GCNT1: variants seen among roughly 807,000 people sequenced by gnomAD.
The protein encoded by GCNT1 is glucosaminyl (N-acetyl) transferase 1.
A neutral mutation model predicts 26.2 loss-of-function variants in GCNT1; 16 were observed. That is an observed-to-expected ratio of 0.61 (90% CI 0.41 to 0.93). The LOEUF (loss-of-function observed/expected upper bound fraction) is 0.93, where lower values mean the gene tolerates loss of function less well. Ranked by LOEUF, GCNT1 falls within the 40% of genes least tolerant of loss-of-function variation. The pLI, the probability that GCNT1 is intolerant of heterozygous loss-of-function variation, is 0.00. For missense variants in GCNT1, 477 were observed against 526.7 expected (o/e 0.91, Z 0.92); for synonymous variants, 183 against 190.8 (o/e 0.96, Z 0.34).
chr9:76,465,627 A>C (rs968514006), intron 2 of GCNT1, among the ~76,000 whole-genome samples: 1 of 152,246 alleles, frequency 6.6e-6, no homozygotes, highest in Non-Finnish European at 1.5e-5. Flanking sequence ...TTACGCAGGC[A>C]CAGCCTGTGC....
At chr9:76,500,140 A>ATT (rs5898481) in intron 2 of GCNT1, among the ~76,000 whole-genome samples, 10 of 149,824 alleles carry the variant, frequency 6.7e-5, no homozygotes, top group Middle Eastern at 3.4e-3. Context: ...ATGCCTTGTA[A>ATT]TTTTTTTTTT....
chr9:76,436,665 A>G (rs968194675), intron 1 of GCNT1, among the ~76,000 whole-genome samples: 3 of 152,060 alleles, frequency 2.0e-5, no homozygotes, highest in Non-Finnish European at 4.4e-5. Context: ...CCATTTACTC[A>G]AATAACATTT....
At chr9:76,451,940 C>CT (rs1823670254) in intron 1 of GCNT1, among the ~76,000 whole-genome samples, 1 of 122,678 alleles carries the variant, frequency 8.2e-6, no homozygotes, top group Non-Finnish European at 1.7e-5. Flanking sequence ...CTTTTCTTTT[C>CT]TTTCTTTCTT....
rs560590934 is a variant in GCNT1, at chr9:76,506,469, G to A, written c.*2801G>A. On this transcript the variant is annotated 3_prime_UTR_variant, in exon 4 of 4. Transcript: ENST00000376730. The stretch of plus-strand genomic sequence containing the variant: ...GAGAATCTCTTGAGCCCAGGAGGCG[G>A]AGGTTGCAGTGAGCTGAGATGCCAC... 1 of 166,906 alleles carries A rather than the reference G, an allele frequency of 6.0e-6. No homozygotes were observed. Among genetic ancestry groups the A allele is most frequent in the South Asian group, 2.1e-4 (1 of 4,814 alleles). The allele number at this position is 166,906 out of a possible 1,614,324, so 10.3% of individuals were successfully genotyped here.
chr9:76,431,705 C>T (rs921588588), intron 1 of GCNT1, among the ~76,000 whole-genome samples: 17 of 152,178 alleles, frequency 1.1e-4, no homozygotes, highest in African/African-American at 4.1e-4. Flanking sequence ...GATATCAAAG[C>T]GCCAACCCTC....
intron 2 of GCNT1, among the ~76,000 whole-genome samples, chr9:76,474,057 G>A (rs1387177468): frequency 2.0e-5 from 3 of 152,112 alleles, no homozygotes; most frequent in East Asian, 1.9e-4. Context: ...CTTTGGTTAC[G>A]CCACTGCACT....
intron 1 of GCNT1, among the ~76,000 whole-genome samples, chr9:76,433,698 G>T (rs1026369132): frequency 1.3e-5 from 2 of 152,340 alleles, no homozygotes; most frequent in South Asian, 2.1e-4. Flanking sequence ...CTTGCAGGGA[G>T]CCCTGGGCTG....
intron 2 of GCNT1, among the ~76,000 whole-genome samples, chr9:76,482,888 G>C (rs1400477651): frequency 2.0e-5 from 3 of 147,110 alleles, no homozygotes; most frequent in Non-Finnish European, 4.5e-5. Flanking sequence ...CTGGACTCAA[G>C]TGATCCTCCT....
chr9:76,502,532 G>A lies in GCNT1; in HGVS notation c.151G>A (p.Glu51Lys), dbSNP rs1825106974. Residue 51 changes from glutamate to lysine, a missense_variant, in exon 4 of 4, where the codon GAG (glutamate) becomes AAG (lysine). Transcript: ENST00000376730. ...VSVRHLELAG[E>K]NPSSDINCTK... ...TGTCAGACACTTGGAGCTTGCTGGGGAGAATCCTAGTAGTGATATTAATTG... is the reference window on the plus strand; with the variant it reads ...TGTCAGACACTTGGAGCTTGCTGGGAAGAATCCTAGTAGTGATATTAATTG... 6.2e-7 allele frequency: 1 copy of A among 1,613,962 alleles called. No homozygotes were observed. The highest frequency in any genetic ancestry group is 8.5e-7 in the Non-Finnish European group (1 of 1,179,966).
At chr9:76,437,350 C>T (rs796280674), upstream of GCNT1, among the ~76,000 whole-genome samples, 3 of 152,202 alleles carry the variant, frequency 2.0e-5, no homozygotes, top group African/African-American at 4.8e-5. Flanking sequence ...GTAAAGAAGC[C>T]GGCCAAACCC....
intron 2 of GCNT1, among the ~76,000 whole-genome samples, chr9:76,472,120 T>TA (rs61503611): frequency 0.023 from 3,498 of 151,720 alleles, 134 homozygotes; most frequent in African/African-American, 0.08. Context: ...TGCTAAAAAT[T>TA]AAAAAAAATA....
At chr9:76,436,598 C>CAAAAAAAA (rs1178497535) in intron 1 of GCNT1, among the ~76,000 whole-genome samples, 1 of 41,128 alleles carries the variant, frequency 2.4e-5, no homozygotes, top group Non-Finnish European at 4.7e-5. Flanking sequence ...GATTCCATCT[C>CAAAAAAAA]AAAAAAAAAA....
At chr9:76,417,150 T>C (rs1823140156), upstream of GCNT1, among the ~76,000 whole-genome samples, 1 of 152,256 alleles carries the variant, frequency 6.6e-6, no homozygotes, top group South Asian at 2.1e-4. Flanking sequence ...TAGTTTATAG[T>C]TATTTATGAA....
chr9:76,401,285 C>T, the GCNT1 span, among the ~76,000 whole-genome samples: 33 of 152,288 alleles, frequency 2.2e-4, no homozygotes, highest in South Asian at 8.3e-4. Context: ...GATGGGATCT[C>T]GCTATGTTGC....
At chr9:76,454,842 CTTTTTTT>C (rs1183951605), upstream of GCNT1, among the ~76,000 whole-genome samples, 17 of 105,644 alleles carry the variant, frequency 1.6e-4, no homozygotes, top group South Asian at 1.0e-3. Context: ...CTTTTCTTTT[CTTTTTTT>C]TTTTTTTTTT....
chr9:76,406,681 A>G, the GCNT1 span, among the ~76,000 whole-genome samples: 4 of 146,930 alleles, frequency 2.7e-5, no homozygotes, highest in East Asian at 6.2e-4. Flanking sequence ...AGCCTGGGCA[A>G]CAGAGCGAGA....
upstream of GCNT1, among the ~76,000 whole-genome samples, chr9:76,415,724 A>G (rs932008478): frequency 8.5e-5 from 13 of 152,232 alleles, no homozygotes; most frequent in African/African-American, 2.9e-4. Context: ...GATCTTCCAC[A>G]TGTAGAATTC....
chr9:76,457,290 G>A (rs4512450), upstream of GCNT1, among the ~76,000 whole-genome samples: 11,055 of 152,114 alleles, frequency 0.073, 572 homozygotes, highest in Non-Finnish European at 0.099. Context: ...GCTTTGTCAC[G>A]CAGGCCAGAG....
intron 1 of GCNT1, among the ~76,000 whole-genome samples, chr9:76,429,941 C>G (rs1004160943): frequency 3.9e-5 from 6 of 152,104 alleles, no homozygotes; most frequent in Non-Finnish European, 5.9e-5. Context: ...GTCTCGATCT[C>G]CTGACCTTGT....
Sources: gnomAD v4.1 joint callset for allele counts (sites outside exome capture counted in the v4.1 genomes callset) on GRCh38, gnomAD v4.1.1 for gene constraint, MANE v1.5 for transcripts, NCBI Gene and HGNC (gene_info 2026-07-23, HGNC 2026-07-21) for gene names.